TNFRSF19: variants seen among roughly 807,000 people sequenced by gnomAD.
TNFRSF19 encodes the protein TNF receptor superfamily member 19, also known as tumor necrosis factor receptor superfamily member 19.
TNFRSF19 carries 27 observed loss-of-function variants against 46.4 expected under a neutral mutation model. The observed-to-expected ratio is 0.58, with a 90% CI of 0.43 to 0.80. The LOEUF is 0.80. TNFRSF19 is among the 30% of genes least tolerant of loss of function. The pLI is 0.00. For missense variants in TNFRSF19, 511 were observed against 530.8 expected (o/e 0.96, Z 0.37); for synonymous variants, 204 against 205.0 (o/e 1.00, Z 0.04).
chr13:23,649,119 A>C (rs1883489108), intron 5 of TNFRSF19, among the ~76,000 whole-genome samples: 1 of 151,964 alleles, frequency 6.6e-6, no homozygotes, highest in African/African-American at 2.4e-5. Flanking sequence ...TCCCCTCTTC[A>C]TTTTTTGGGA....
At chr13:23,600,105 T>G (rs1880027683) in intron 3 of TNFRSF19, among the ~76,000 whole-genome samples, 1 of 152,202 alleles carries the variant, frequency 6.6e-6, no homozygotes, top group South Asian at 2.1e-4. Context: ...TTAAGTTAAT[T>G]TTTGGAGAAT....
At chr13:23,638,024 A>G (rs1251551891) in intron 5 of TNFRSF19, among the ~76,000 whole-genome samples, 1 of 151,966 alleles carries the variant, frequency 6.6e-6, no homozygotes, top group African/African-American at 2.4e-5. Flanking sequence ...GTTGAAGCAC[A>G]CTATTTTTGA....
intron 4 of TNFRSF19, among the ~76,000 whole-genome samples, chr13:23,618,942 G>A (rs1439152467): frequency 6.6e-6 from 1 of 152,154 alleles, no homozygotes; most frequent in Non-Finnish European, 1.5e-5. Flanking sequence ...CTTCTGCCAC[G>A]TAAGGACACA....
intron 7 of TNFRSF19, among the ~76,000 whole-genome samples, chr13:23,662,789 G>C (rs1884451953): frequency 1.3e-5 from 2 of 152,168 alleles, no homozygotes; most frequent in Non-Finnish European, 2.9e-5. Context: ...TTGTGAATGG[G>C]ATTGTCTTGC....
At chr13:23,631,626 T>G (rs895440181) in intron 5 of TNFRSF19, among the ~76,000 whole-genome samples, 3 of 152,214 alleles carry the variant, frequency 2.0e-5, no homozygotes, top group Non-Finnish European at 4.4e-5. Flanking sequence ...TAAATTATTT[T>G]AAAGTAAGAG....
rs577813214 is a variant in TNFRSF19 at position 23,654,723 on chromosome 13, C to G, written c.446-4327C>G. 7.9e-5 allele frequency among the ~76,000 whole-genome samples: 12 copies of G among 152,332 alleles called. No homozygotes were observed. In the South Asian group the frequency reaches 2.5e-3, roughly 32 times the overall value. On this transcript the variant is annotated intron_variant, in intron 5 of 9. Coordinates refer to ENST00000248484, the MANE Select transcript of TNFRSF19 (RefSeq NM_148957.4). Reference sequence around the variant, plus strand: ...AGCAGTGCGGTCTACTAGAGGGGCTCAGAAGGCCTGAATCCAGTTTTCAAG... The same window carrying G: ...AGCAGTGCGGTCTACTAGAGGGGCTGAGAAGGCCTGAATCCAGTTTTCAAG...
At chr13:23,644,617 A>G (rs904183633) in intron 5 of TNFRSF19, among the ~76,000 whole-genome samples, 1 of 152,224 alleles carries the variant, frequency 6.6e-6, no homozygotes, top group African/African-American at 2.4e-5. Flanking sequence ...ACAGTTCAAA[A>G]AAGAAAAGCA....
chr13:23,638,973 G>A (rs894640342), intron 5 of TNFRSF19, among the ~76,000 whole-genome samples: 1 of 152,136 alleles, frequency 6.6e-6, no homozygotes, highest in African/African-American at 2.4e-5. Context: ...TTGTCCATCA[G>A]TAATTTATTT....
intron 7 of TNFRSF19, among the ~76,000 whole-genome samples, chr13:23,665,883 G>C (rs899415042): frequency 6.6e-6 from 1 of 152,176 alleles, no homozygotes; most frequent in African/African-American, 2.4e-5. Flanking sequence ...GTTGCATTGA[G>C]TTGTCAAATA....
chr13:23,604,692 G>C (rs1880397581), intron 3 of TNFRSF19, among the ~76,000 whole-genome samples: 2 of 152,080 alleles, frequency 1.3e-5, no homozygotes. Flanking sequence ...CCCAGGAATA[G>C]ACCCAGCTAA....
At chr13:23,619,194 A>G (rs1487384682) in intron 4 of TNFRSF19, among the ~76,000 whole-genome samples, 2 of 147,262 alleles carry the variant, frequency 1.4e-5, no homozygotes, top group African/African-American at 2.5e-5. Context: ...AATATTATTC[A>G]TCAGTAAAAA....
chr13:23,594,320 C>A, intron 3 of TNFRSF19: 1 of 451,130 alleles, frequency 2.2e-6, no homozygotes, highest in Non-Finnish European at 4.4e-6. Context: ...GCAGATCCAA[C>A]TCCCATGGAG....
At chr13:23,669,128 C>T (rs985730938) in intron 9 of TNFRSF19, 31 bp downstream of exon 9, 1 of 1,605,310 alleles carries the variant, frequency 6.2e-7, no homozygotes, top group Admixed American at 1.7e-5. Context: ...CCTGTGAACA[C>T]AGCACTGACT....
chr13:23,674,571 A>C lies in TNFRSF19; in HGVS notation c.*1191A>C, dbSNP rs1394267219. 1 of 152,238 alleles carries C rather than the reference A, an allele frequency of 6.6e-6. No individual in the cohort carries two copies. The highest frequency in any genetic ancestry group is 2.4e-5 in the African/African-American group (1 of 41,458). 9.4% of individuals were successfully genotyped at this position (152,238 alleles called of 1,614,324 possible). ...AAGTGCTCCATCCCCTACCATCTACACATTAGCATTGTCTCTAGAGCTAAG... is the reference window on the plus strand; with the variant it reads ...AAGTGCTCCATCCCCTACCATCTACCCATTAGCATTGTCTCTAGAGCTAAG... On this transcript the variant is annotated 3_prime_UTR_variant, in exon 10 of 10. Coordinates refer to ENST00000248484, the MANE Select transcript of TNFRSF19 (RefSeq NM_148957.4).
intron 3 of TNFRSF19, among the ~76,000 whole-genome samples, chr13:23,612,685 A>G (rs1202509608): frequency 6.6e-6 from 1 of 152,226 alleles, no homozygotes; most frequent in Non-Finnish European, 1.5e-5. Context: ...TACTTTAGAG[A>G]AAATCTATTT....
At chr13:23,635,525 T>C (rs1235397175) in intron 5 of TNFRSF19, among the ~76,000 whole-genome samples, 1 of 152,082 alleles carries the variant, frequency 6.6e-6, no homozygotes, top group Non-Finnish European at 1.5e-5. Flanking sequence ...ATTACAGGTG[T>C]GTGCCACCAT....
At chr13:23,605,551 T>C (rs1048802452) in intron 3 of TNFRSF19, among the ~76,000 whole-genome samples, 5 of 152,178 alleles carry the variant, frequency 3.3e-5, no homozygotes, top group African/African-American at 1.2e-4. Flanking sequence ...TATGAAGACT[T>C]GAAAGCAACC....
At chr13:23,624,329 GT>G (rs562048076) in intron 4 of TNFRSF19, among the ~76,000 whole-genome samples, 18 of 141,276 alleles carry the variant, frequency 1.3e-4, no homozygotes, top group South Asian at 9.0e-4. Context: ...CTCGAACTTT[GT>G]TTTTTTTTTT....
chr13:23,669,159 T>C (rs777193001), intron 9 of TNFRSF19, 62 bp downstream of exon 9: 1 of 1,537,952 alleles, frequency 6.5e-7, no homozygotes, highest in Non-Finnish European at 8.7e-7. Context: ...CAGAACTCTG[T>C]TCCCAGCATA....
Sources: allele counts gnomAD v4.1 joint callset (sites outside exome capture counted in the v4.1 genomes callset), GRCh38; gene constraint gnomAD v4.1.1; transcripts MANE v1.5; gene names NCBI Gene and HGNC (gene_info 2026-07-23, HGNC 2026-07-21).